Variants in RBFOX1 observed in about 807,000 individuals in gnomAD.
The protein encoded by RBFOX1 is RNA binding protein fox-1 homolog 1.
In RBFOX1, 8 loss-of-function variants were observed where a neutral mutation model predicts 57.7. That is an observed-to-expected ratio of 0.14 (90% CI 0.08 to 0.25). The LOEUF is 0.25. Among genes scored for constraint, RBFOX1 ranks in the 10% least tolerant of loss-of-function variants. The probability of loss-of-function intolerance (pLI) is 1.00; values close to 1 mark genes in which losing one functional copy is unlikely to be tolerated. For synonymous variants in RBFOX1, 326 were observed against 222.4 expected, an observed-to-expected ratio of 1.47 and a Z score of -4.15; for missense variants, 611 against 548.5, an observed-to-expected ratio of 1.11 and a Z score of -1.14.
chr16:5,696,374 C>T (rs1272022779), intron 3 of RBFOX1, among the ~76,000 whole-genome samples: 1 of 152,160 alleles, frequency 6.6e-6, no homozygotes, highest in Non-Finnish European at 1.5e-5. Flanking sequence ...TAATATCTCC[C>T]TGTATGATTA....
intron 3 of RBFOX1, among the ~76,000 whole-genome samples, chr16:5,824,527 C>A (rs187543237): frequency 6.6e-6 from 1 of 152,334 alleles, no homozygotes; most frequent in Admixed American, 6.5e-5. Flanking sequence ...TTAGGCTGGT[C>A]AGTGGCTTTC....
Position 5,449,318 on chromosome 16 carries a change from T to C in RBFOX1, c.220-17898T>C, listed in dbSNP as rs182138273. ...TTATCTGAGCCTCCTCAGAGAAGTC[T>C]CCGCCACGGCTGCCCCTCATCTCTT... is the stretch of plus-strand genomic sequence containing the variant. On this transcript the variant is annotated intron_variant, in intron 1 of 2. Transcript: ENST00000585867. 1.3e-3 allele frequency among the ~76,000 whole-genome samples: 203 copies of C among 152,358 alleles called. 2 individuals are homozygous for C. In the East Asian group the frequency reaches 0.036, roughly 27 times the overall value.
intron 3 of RBFOX1, among the ~76,000 whole-genome samples, chr16:6,728,699 C>T (rs575703835): frequency 6.6e-6 from 1 of 152,234 alleles, no homozygotes; most frequent in Admixed American, 6.5e-5. Flanking sequence ...TCATGACAGT[C>T]AATCAGAGGC....
chr16:7,205,654 T>G (rs555426495), intron 4 of RBFOX1, among the ~76,000 whole-genome samples: 2 of 152,366 alleles, frequency 1.3e-5, no homozygotes, highest in South Asian at 4.1e-4. Flanking sequence ...AAACCAAAAT[T>G]CCATGCCTTC....
chr16:5,415,368 C>G (rs911167295), intron 1 of RBFOX1, among the ~76,000 whole-genome samples: 3 of 152,114 alleles, frequency 2.0e-5, no homozygotes, highest in Non-Finnish European at 4.4e-5. Flanking sequence ...TAGGGAAAAC[C>G]ACCCCGATGA....
At chr16:6,485,770 T>C (rs967066296) in intron 2 of RBFOX1, among the ~76,000 whole-genome samples, 6 of 152,200 alleles carry the variant, frequency 3.9e-5, no homozygotes, top group Admixed American at 6.5e-5. Context: ...CTCATGACTT[T>C]ATTGGACTAA....
intron 1 of RBFOX1, among the ~76,000 whole-genome samples, chr16:5,258,895 G>C (rs1203952598): frequency 3.3e-5 from 5 of 151,924 alleles, no homozygotes; most frequent in Non-Finnish European, 7.4e-5. Flanking sequence ...CAGCCTGGGT[G>C]GCAAGAACGA....
intron 5 of RBFOX1, among the ~76,000 whole-genome samples, chr16:7,558,524 A>C (rs553067336): frequency 2.6e-5 from 4 of 152,132 alleles, no homozygotes; most frequent in African/African-American, 9.7e-5. Flanking sequence ...TATACAACAT[A>C]TATTAATATG....
intron 1 of RBFOX1, among the ~76,000 whole-genome samples, chr16:6,021,548 G>A (rs1160667337): frequency 6.6e-6 from 1 of 152,222 alleles, no homozygotes; most frequent in African/African-American, 2.4e-5. Flanking sequence ...CTCAAAACCT[G>A]TGTCCTCTTT....
At chr16:5,852,032 T>A (rs908687893) in intron 3 of RBFOX1, among the ~76,000 whole-genome samples, 3 of 152,216 alleles carry the variant, frequency 2.0e-5, no homozygotes, top group Non-Finnish European at 4.4e-5. Context: ...TGAGAGGATC[T>A]ACATCATGGG....
At chr16:6,644,579 T>A (rs945222349) in intron 2 of RBFOX1, among the ~76,000 whole-genome samples, 18 of 152,186 alleles carry the variant, frequency 1.2e-4, no homozygotes, top group African/African-American at 3.9e-4. Context: ...GGACTTTGTA[T>A]TTGAGTCCAG....
intron 1 of RBFOX1, among the ~76,000 whole-genome samples, chr16:6,286,653 CAGA>C (rs2076933580): frequency 6.6e-6 from 1 of 152,104 alleles, no homozygotes; most frequent in Admixed American, 6.6e-5. Flanking sequence ...GGACTCCGAG[CAGA>C]AGGTTACTGT....
At chr16:6,891,199 A>C (rs2065331395) in intron 3 of RBFOX1, among the ~76,000 whole-genome samples, 1 of 152,240 alleles carries the variant, frequency 6.6e-6, no homozygotes, top group African/African-American at 2.4e-5. Flanking sequence ...TAGTGGCTAC[A>C]ATAATATTTG....
At chr16:5,313,945 GT>G (rs2064161261) in intron 1 of RBFOX1, among the ~76,000 whole-genome samples, 1 of 152,312 alleles carries the variant, frequency 6.6e-6, no homozygotes, top group South Asian at 2.1e-4. Flanking sequence ...TGTATGGGAT[GT>G]TTTGTGTGTC....
intron 4 of RBFOX1, among the ~76,000 whole-genome samples, chr16:7,251,207 A>G (rs542650497): frequency 6.6e-6 from 1 of 152,012 alleles, no homozygotes; most frequent in South Asian, 2.1e-4. Context: ...GCAAACTTCT[A>G]TTCCCTACTT....
rs144361257 is a variant in RBFOX1, at chr16:6,478,073, A to C, written c.-64+161016A>C. 3.8e-3 allele frequency among the ~76,000 whole-genome samples: 581 copies of C among 152,084 alleles called. 2 individuals are homozygous for C. Among genetic ancestry groups the C allele is most frequent in the East Asian group, 0.025 (128 of 5,158 alleles). ...TGTGGCTGGTTTGATCTTCCATCTAAACCACTAATACTCCACACCAGCAAC... is the reference window on the plus strand; with the variant it reads ...TGTGGCTGGTTTGATCTTCCATCTACACCACTAATACTCCACACCAGCAAC... On this transcript the variant is annotated intron_variant, in intron 2 of 15. Coordinates refer to ENST00000550418, the MANE Select transcript of RBFOX1 (RefSeq NM_018723.4).
chr16:6,912,780 C>A (rs1055910247), intron 3 of RBFOX1, among the ~76,000 whole-genome samples: 1 of 151,440 alleles, frequency 6.6e-6, no homozygotes, highest in Non-Finnish European at 1.5e-5. Context: ...ACCACACGTG[C>A]CCGCCTAATT....
intron 3 of RBFOX1, among the ~76,000 whole-genome samples, chr16:5,718,430 T>G (rs946206806): frequency 6.6e-6 from 1 of 152,332 alleles, no homozygotes; most frequent in Admixed American, 6.5e-5. Flanking sequence ...TGGTGTGGTT[T>G]GTTATGCAGG....
At chr16:5,636,974 T>G (rs1016813979) in intron 3 of RBFOX1, among the ~76,000 whole-genome samples, 1 of 152,224 alleles carries the variant, frequency 6.6e-6, no homozygotes, top group Admixed American at 6.5e-5. Context: ...CTAATCCATA[T>G]GCATTTGTTC....
Sources: gnomAD v4.1 joint callset for allele counts (sites outside exome capture counted in the v4.1 genomes callset) on GRCh38, gnomAD v4.1.1 for gene constraint, MANE v1.5 for transcripts, NCBI Gene and HGNC (gene_info 2026-07-23, HGNC 2026-07-21) for gene names.